The following SLC1A1 variants were observed in gnomAD, a reference collection of about 807,000 sequenced individuals.
The protein encoded by SLC1A1 is solute carrier family 1 member 1, also known as excitatory amino acid transporter 3.
A neutral mutation model predicts 53.3 loss-of-function variants in SLC1A1; 43 were observed. The ratio of observed to expected loss-of-function variants is 0.81; its 90% CI spans 0.63 to 1.04. The LOEUF is 1.04. Ranked by LOEUF, SLC1A1 falls within the 50% of genes least tolerant of loss-of-function variation. The pLI is 0.00. For missense variants in SLC1A1, 748 were observed against 664.9 expected, an observed-to-expected ratio of 1.12 and a Z score of -1.37; for synonymous variants, 307 against 243.2, an observed-to-expected ratio of 1.26 and a Z score of -2.44.
intron 1 of SLC1A1, among the ~76,000 whole-genome samples, chr9:4,525,135 T>A (rs1816214212): frequency 6.6e-6 from 1 of 152,150 alleles, no homozygotes; most frequent in Non-Finnish European, 1.5e-5. Context: ...AAACGAAACC[T>A]TGACATAAAG....
intron 1 of SLC1A1, among the ~76,000 whole-genome samples, chr9:4,504,622 T>C (rs952567646): frequency 6.6e-6 from 1 of 152,220 alleles, no homozygotes; most frequent in African/African-American, 2.4e-5. Context: ...CTGAAGAGAT[T>C]CTGAGTTCTT....
At chr9:4,575,195 G>T (rs1332098559) in intron 8 of SLC1A1, among the ~76,000 whole-genome samples, 2 of 152,110 alleles carry the variant, frequency 1.3e-5, no homozygotes, top group African/African-American at 2.4e-5. Flanking sequence ...AGAACTCCAG[G>T]ATCTATATTT....
intron 1 of SLC1A1, among the ~76,000 whole-genome samples, chr9:4,495,393 T>A (rs1309339185): frequency 6.6e-6 from 1 of 152,206 alleles, no homozygotes; most frequent in Non-Finnish European, 1.5e-5. Flanking sequence ...GGACTTAATG[T>A]TCAAGTAGAG....
At chr9:4,542,913 G>C (rs1007383252) in intron 1 of SLC1A1, among the ~76,000 whole-genome samples, 1 of 152,096 alleles carries the variant, frequency 6.6e-6, no homozygotes, top group African/African-American at 2.4e-5. Flanking sequence ...TTATATGTTT[G>C]TTCCAAAAAT....
At chr9:4,572,439 C>T (rs764900245) in intron 7 of SLC1A1, 51 bp downstream of exon 7, 76 of 1,485,478 alleles carry the variant, frequency 5.1e-5, no homozygotes, top group Non-Finnish European at 6.9e-5. Flanking sequence ...AATTCTGTCT[C>T]CTCAAAATTA....
chr9:4,523,488 A>G (rs1474639493), intron 1 of SLC1A1, among the ~76,000 whole-genome samples: 7 of 152,164 alleles, frequency 4.6e-5, no homozygotes, highest in Non-Finnish European at 8.8e-5. Flanking sequence ...TTTTTAATTT[A>G]TAGAACAAAA....
intron 1 of SLC1A1, among the ~76,000 whole-genome samples, chr9:4,507,144 G>A (rs1233805484): frequency 6.6e-6 from 1 of 152,144 alleles, no homozygotes; most frequent in African/African-American, 2.4e-5. Flanking sequence ...TGAGGCAGGA[G>A]AATGGCGTGA....
At chr9:4,508,963 T>C (rs911370269) in intron 1 of SLC1A1, among the ~76,000 whole-genome samples, 5 of 152,072 alleles carry the variant, frequency 3.3e-5, no homozygotes, top group African/African-American at 1.2e-4. Flanking sequence ...GAATTAGACC[T>C]GTTTGAGGGG....
At chr9:4,512,473 A>G (rs1457472347) in intron 1 of SLC1A1, among the ~76,000 whole-genome samples, 3 of 152,196 alleles carry the variant, frequency 2.0e-5, no homozygotes, top group Non-Finnish European at 2.9e-5. Flanking sequence ...ACGCCACTGC[A>G]CTCAAGCCTG....
chr9:4,506,212 C>T (rs1201485743), intron 1 of SLC1A1, among the ~76,000 whole-genome samples: 1 of 152,206 alleles, frequency 6.6e-6, no homozygotes. Flanking sequence ...CTGCCTCAGC[C>T]TCCCAAAGTG....
At chr9:4,497,069 A>G (rs10814992) in intron 1 of SLC1A1, among the ~76,000 whole-genome samples, 81,854 of 151,698 alleles carry the variant, frequency 0.54, 23,547 homozygotes, top group East Asian at 0.69. Context: ...AGGGTGAAGC[A>G]TTGTATTCCT....
rs1188901009 is a variant in SLC1A1, at chr9:4,565,921, A to G, written c.441-126A>G. ...ATCTCAATACAAGGAAGTATTACGC[A>G]AAGCAGGGGCCAGAAGAGAAACCAG... On this transcript the variant is annotated intron_variant, in intron 4 of 11. Transcript: ENST00000262352. The G allele has an allele frequency of 1.4e-5, 11 of 798,732 alleles. 1 individual carries two copies. Among genetic ancestry groups the G allele is most frequent in the South Asian group, 5.5e-5 (4 of 72,946 alleles). The allele number at this position is 798,732 out of a possible 1,614,324, so 49.5% of individuals were successfully genotyped here.
rs746915087 is a variant in SLC1A1 at position 4,566,024 on chromosome 9, A to C, written c.441-23A>C. The C allele has an allele frequency of 1.9e-6, 3 of 1,603,030 alleles. No homozygotes were observed. The Admixed American group carries it at 5.0e-5, about 27-fold the overall frequency. Reference sequence around the variant, plus strand: ...ACAATACTTTTTGCCCTAACATAATACTGCCTTTTATGTCTCCAACAGGAA... The same window carrying C: ...ACAATACTTTTTGCCCTAACATAATCCTGCCTTTTATGTCTCCAACAGGAA... On this transcript the variant is annotated intron_variant, in intron 4 of 11. Transcript: ENST00000262352.
At chr9:4,570,472 A>G (rs1316766194) in intron 6 of SLC1A1, among the ~76,000 whole-genome samples, 1 of 112,226 alleles carries the variant, frequency 8.9e-6, no homozygotes, top group Admixed American at 8.8e-5. Flanking sequence ...CCTGGGTTCA[A>G]GCAATTTTCT....
At chr9:4,498,341 A>G (rs1820512498) in intron 1 of SLC1A1, among the ~76,000 whole-genome samples, 1 of 152,216 alleles carries the variant, frequency 6.6e-6, no homozygotes, top group South Asian at 2.1e-4. Context: ...TAGATGGTTT[A>G]TTACAACAGT....
chr9:4,526,911 T>G (rs533402711), intron 1 of SLC1A1, among the ~76,000 whole-genome samples: 4 of 152,216 alleles, frequency 2.6e-5, no homozygotes, highest in Non-Finnish European at 5.9e-5. Context: ...CATTCATAAT[T>G]AGATTACATT....
intron 5 of SLC1A1, among the ~76,000 whole-genome samples, chr9:4,566,982 A>G (rs1433476213): frequency 6.6e-6 from 1 of 152,142 alleles, no homozygotes; most frequent in Non-Finnish European, 1.5e-5. Flanking sequence ...AACCTCCTCT[A>G]TTACAGGGGG....
Position 4,583,194 on chromosome 9 carries a change from G to A in SLC1A1, c.1328+22G>A, listed in dbSNP as rs1376493155. The A allele has an allele frequency of 5.6e-6, 9 of 1,613,836 alleles. No individual in the cohort carries two copies. In the African/African-American group the frequency reaches 1.2e-4, roughly 22 times the overall value. On this transcript the variant is annotated intron_variant, in intron 11 of 11. Transcript: ENST00000262352. This position sits in a 1 kb window ranked among gnomAD's most constrained non-coding sequence, Gnocchi z 4.6. ...TCCTGTGAGTTGGAATAAATGCACT[G>A]CCTTAGCTGGATGTGCAGGCGGGCT...
chr9:4,517,297 T>G (rs1815885007), intron 1 of SLC1A1, among the ~76,000 whole-genome samples: 1 of 152,162 alleles, frequency 6.6e-6, no homozygotes, highest in Non-Finnish European at 1.5e-5. Flanking sequence ...ATTTCAAGGG[T>G]AGCTCTGAAC....
Sources: allele counts gnomAD v4.1 joint callset (sites outside exome capture counted in the v4.1 genomes callset), GRCh38; gene constraint gnomAD v4.1.1; non-coding constraint Gnocchi (gnomAD v3.1); transcripts MANE v1.5; gene names NCBI Gene and HGNC (gene_info 2026-07-23, HGNC 2026-07-21).